Variants in PSMD14 observed in about 807,000 individuals in gnomAD.
The protein encoded by PSMD14 is ubiquitin C-terminal hydrolase PSMD14.
PSMD14 carries 7 observed loss-of-function variants against 41.2 expected under a neutral mutation model. That is an observed-to-expected ratio of 0.17 (90% CI 0.10 to 0.32). PSMD14 has a LOEUF of 0.32. Ranked by LOEUF, PSMD14 falls within the 10% of genes least tolerant of loss-of-function variation. The pLI, the probability that PSMD14 is intolerant of heterozygous loss-of-function variation, is 1.00. For missense variants in PSMD14, 139 were observed against 375.6 expected, an observed-to-expected ratio of 0.37 and a Z score of 5.21; for synonymous variants, 114 against 122.3, an observed-to-expected ratio of 0.93 and a Z score of 0.45.
intron 3 of PSMD14, among the ~76,000 whole-genome samples, chr2:161,358,772 G>GT (rs1683244473): frequency 6.6e-6 from 1 of 152,050 alleles, no homozygotes; most frequent in Non-Finnish European, 1.5e-5. Context: ...GTGAAACCCC[G>GT]TCTCCACCAA....
chr2:161,347,021 CA>C (rs932952035), intron 3 of PSMD14, among the ~76,000 whole-genome samples: 6 of 152,098 alleles, frequency 3.9e-5, no homozygotes, highest in African/African-American at 1.4e-4. Context: ...GTTTTGGTCT[CA>C]GTAATCTCAG....
chr2:161,400,348 C>A (rs1296234770), intron 10 of PSMD14, among the ~76,000 whole-genome samples: 1 of 152,082 alleles, frequency 6.6e-6, no homozygotes, highest in African/African-American at 2.4e-5. Context: ...GAAGAAAGGG[C>A]AAAAGGGGGA....
At position 161,400,060 on chromosome 2, in the gene PSMD14, T is replaced by C. The variant is rs192683639; in HGVS notation, c.771+4857T>C. Among the ~76,000 whole-genome samples, 66 of 152,342 alleles carry C rather than the reference T, an allele frequency of 4.3e-4. 1 individual carries two copies. The highest frequency in any genetic ancestry group is 1.3e-3 in the African/African-American group (56 of 41,582). ...TGTGAGGCAGGAGACTCCTATACTT[T>C]ATGTAACGCCTGAATTATTTTCAGT... On this transcript the variant is annotated intron_variant, in intron 10 of 11. Transcript: ENST00000409682.
At position 161,330,198 on chromosome 2, in the gene PSMD14, AAAAAT is replaced by A. The variant is rs1196032028; in HGVS notation, c.48+11330_48+11334del. ...TTAGTGACATTCTGATGAAATAAGA[AAAAAT>A]AAAAATTGTGAAAAGTAATGAAATG... On this transcript the variant is annotated intron_variant, in intron 3 of 11. Transcript: ENST00000409682. Among the ~76,000 whole-genome samples the A allele has an allele frequency of 2.6e-5, 4 of 152,354 alleles. No homozygotes were observed. The East Asian group carries it at 7.7e-4, about 29-fold the overall frequency.
At chr2:161,328,855 A>T (rs1317964101) in intron 3 of PSMD14, among the ~76,000 whole-genome samples, 1 of 152,184 alleles carries the variant, frequency 6.6e-6, no homozygotes, top group Non-Finnish European at 1.5e-5. Flanking sequence ...ACACAAACAT[A>T]AAACTAAAGC....
intron 3 of PSMD14, among the ~76,000 whole-genome samples, chr2:161,333,497 A>G (rs1349053796): frequency 6.6e-6 from 1 of 152,232 alleles, no homozygotes; most frequent in Non-Finnish European, 1.5e-5. Context: ...AAGGCAGTAT[A>G]TATTGGGCAG....
chr2:161,323,360 C>G (rs1374273236), intron 3 of PSMD14, among the ~76,000 whole-genome samples: 5 of 151,776 alleles, frequency 3.3e-5, no homozygotes, highest in Non-Finnish European at 7.4e-5. Context: ...TTTTTAATAT[C>G]ACATTTTAAA....
chr2:161,379,401 A>T (rs1683545188), intron 7 of PSMD14, among the ~76,000 whole-genome samples: 1 of 151,996 alleles, frequency 6.6e-6, no homozygotes, highest in Non-Finnish European at 1.5e-5. Flanking sequence ...ATATTCAGTC[A>T]TTTTTAAAAG....
intron 7 of PSMD14, chr2:161,384,647 C>A (rs1044662974): frequency 3.3e-5 from 5 of 151,694 alleles, no homozygotes; most frequent in Non-Finnish European, 5.9e-5. Flanking sequence ...AGTCACATGA[C>A]TTTACATAAA....
intron 3 of PSMD14, among the ~76,000 whole-genome samples, chr2:161,325,047 C>G (rs1187156980): frequency 6.6e-6 from 1 of 152,118 alleles, no homozygotes; most frequent in Non-Finnish European, 1.5e-5. Context: ...TTAGAAATCA[C>G]ATGATTTCAC....
Position 161,399,327 on chromosome 2 carries a change from A to G in PSMD14, c.771+4124A>G, listed in dbSNP as rs574566511. Among the ~76,000 whole-genome samples the G allele has an allele frequency of 2.6e-5, 4 of 152,278 alleles. No individual in the cohort carries two copies. The South Asian group carries it at 8.3e-4, about 32-fold the overall frequency. ...AGTTTATCTTCATAAAATAACAACT[A>G]ACATTTACTGAGTGTTTGTTACGAG... On this transcript the variant is annotated intron_variant, in intron 10 of 11. Transcript: ENST00000409682.
intron 10 of PSMD14, among the ~76,000 whole-genome samples, chr2:161,403,073 C>A (rs1337624166): frequency 6.6e-6 from 1 of 152,098 alleles, no homozygotes; most frequent in African/African-American, 2.4e-5. Context: ...AATAGGTATT[C>A]AAACAAAAAG....
intron 7 of PSMD14, among the ~76,000 whole-genome samples, chr2:161,380,503 T>G (rs534988581): frequency 6.6e-6 from 1 of 152,122 alleles, no homozygotes. Context: ...AAGTAAATTA[T>G]GCAAGTTACA....
chr2:161,342,535 T>C (rs905129987), intron 3 of PSMD14, among the ~76,000 whole-genome samples: 1 of 152,160 alleles, frequency 6.6e-6, no homozygotes, highest in African/African-American at 2.4e-5. Context: ...TTTTACTGTC[T>C]ACCTATTTGG....
At chr2:161,337,543 C>T (rs570264869) in intron 3 of PSMD14, among the ~76,000 whole-genome samples, 1 of 152,298 alleles carries the variant, frequency 6.6e-6, no homozygotes, top group South Asian at 2.1e-4. Context: ...AGTATCTCTG[C>T]ACCTAATCAA....
At chr2:161,321,685 A>G (rs1682610626) in intron 3 of PSMD14, among the ~76,000 whole-genome samples, 1 of 152,208 alleles carries the variant, frequency 6.6e-6, no homozygotes, top group South Asian at 2.1e-4. Context: ...TTGATAATTC[A>G]CTAGAACAAC....
At chr2:161,393,827 T>C (rs573305808) in intron 9 of PSMD14, among the ~76,000 whole-genome samples, 1 of 152,218 alleles carries the variant, frequency 6.6e-6, no homozygotes, top group African/African-American at 2.4e-5. Context: ...TCTTAAAATA[T>C]AAACTTGAAA....
At chr2:161,347,430 C>T (rs1321158763) in intron 3 of PSMD14, among the ~76,000 whole-genome samples, 2 of 152,032 alleles carry the variant, frequency 1.3e-5, no homozygotes, top group Non-Finnish European at 2.9e-5. Context: ...AGGCATGAGC[C>T]CACTGCACCT....
chr2:161,401,708 TTGAA>T (rs1189111772), intron 10 of PSMD14, among the ~76,000 whole-genome samples: 2 of 152,230 alleles, frequency 1.3e-5, no homozygotes, highest in African/African-American at 4.8e-5. Flanking sequence ...CATTCTGAAA[TTGAA>T]TTCTCTGTGA....
Sources: gnomAD v4.1 joint callset for allele counts (sites outside exome capture counted in the v4.1 genomes callset) on GRCh38, gnomAD v4.1.1 for gene constraint, MANE v1.5 for transcripts, NCBI Gene and HGNC (gene_info 2026-07-23, HGNC 2026-07-21) for gene names.